IL13RA1: variants seen among roughly 807,000 people sequenced by gnomAD.
IL13RA1 encodes the protein interleukin-13 receptor subunit alpha-1.
A neutral mutation model predicts 33.8 loss-of-function variants in IL13RA1; 14 were observed. The ratio of observed to expected loss-of-function variants is 0.41; its 90% CI spans 0.27 to 0.65. The LOEUF is 0.65. IL13RA1 is among the 30% of genes least tolerant of loss of function. The pLI is 0.28. For synonymous variants in IL13RA1, 116 were observed against 115.7 expected, an observed-to-expected ratio of 1.00 and a Z score of -0.02; for missense variants, 313 against 327.0, an observed-to-expected ratio of 0.96 and a Z score of 0.33.
chrX:118,770,342 C>G lies in IL13RA1; in HGVS notation c.1009+3366C>G, dbSNP rs773124231. Reference sequence around the variant, plus strand: ...GCCCGGCGAGCCCTACGTGGAGGTGCCGCGCTACCGCACTGCACCTGCATC... The same window carrying G: ...GCCCGGCGAGCCCTACGTGGAGGTGGCGCGCTACCGCACTGCACCTGCATC... On this transcript the variant is annotated intron_variant, in intron 8 of 10. Coordinates refer to ENST00000371666, the MANE Select transcript of IL13RA1 (RefSeq NM_001560.3). 1.1e-5 allele frequency: 4 copies of G among 357,900 alleles called. No individual in the cohort carries two copies. The Admixed American group carries it at 1.2e-4, about 11-fold the overall frequency. 29.5% of individuals were successfully genotyped at this position (357,900 alleles called of 1,213,427 possible).
At chrX:118,733,924 A>G (rs2017252742) in intron 1 of IL13RA1, among the ~76,000 whole-genome samples, 1 of 111,873 alleles carries the variant, frequency 8.9e-6, no homozygotes, top group African/African-American at 3.2e-5. Flanking sequence ...ATTTGACCAT[A>G]CATGTGATGG....
At chrX:118,767,371 T>G (rs886191018) in intron 8 of IL13RA1, among the ~76,000 whole-genome samples, 1 of 110,752 alleles carries the variant, frequency 9.0e-6, no homozygotes. Context: ...TGAAACCCCA[T>G]CTCTACAAAA....
downstream of IL13RA1, among the ~76,000 whole-genome samples, chrX:118,795,227 A>AAAAAAAAAAAAAAAAG (rs200347606): frequency 1.3e-4 from 12 of 94,998 alleles, no homozygotes; most frequent in African/African-American, 3.8e-4. Context: ...AAAAAAAAAA[A>AAAAAAAAAAAAAAAAG]AAAGAAAAAG....
chrX:118,758,131 C>G lies in IL13RA1; in HGVS notation c.565C>G (p.Leu189Val). Residue 189 changes from leucine (L) to valine (V), a missense_variant, in exon 5 of 11, where the codon CTG (leucine) becomes GTG (valine). Transcript: ENST00000371666. ...EGQYFGCSFD[L>V]TKVKDSSFEQ... Reference sequence around the variant, plus strand: ...CCAATACTTTGGTTGTTCCTTTGATCTGACCAAAGTGAAGGATTCCAGTTT... The same window carrying G: ...CCAATACTTTGGTTGTTCCTTTGATGTGACCAAAGTGAAGGATTCCAGTTT... 1 of 1,152,547 alleles carries G rather than the reference C, an allele frequency of 8.7e-7. No homozygotes were observed. The highest frequency in any genetic ancestry group is 1.2e-6 in the Non-Finnish European group (1 of 843,955). The allele number at this position is 1,152,547 out of a possible 1,213,427, so 95.0% of individuals were successfully genotyped here. A position where few individuals can be genotyped will look rare whatever the true frequency, so the allele number is the denominator to read the frequency against.
chrX:118,743,823 A>G (rs2017373389), intron 2 of IL13RA1, among the ~76,000 whole-genome samples: 1 of 111,783 alleles, frequency 8.9e-6, no homozygotes, highest in South Asian at 3.7e-4. Context: ...CAAAAGTCAC[A>G]TGGGAGCCAT....
intron 8 of IL13RA1, 97 bp downstream of exon 8, chrX:118,767,073 C>G (rs1268850628): frequency 2.3e-6 from 1 of 435,410 alleles, no homozygotes; most frequent in Admixed American, 5.0e-5. Context: ...GTCATGCTCT[C>G]TTGATGTCAG....
Position 118,740,660 on chromosome X carries a change from G to A in IL13RA1, c.89-357G>A, listed in dbSNP as rs111255061. ...TTACAAAAATTAGCCAGGCGTGGTG[G>A]CATGTGCCTGTAGTCCCAGTAACAG... On this transcript the variant is annotated intron_variant, in intron 1 of 10. Coordinates refer to ENST00000371666, the MANE Select transcript of IL13RA1 (RefSeq NM_001560.3). Among the ~76,000 whole-genome samples the A allele has an allele frequency of 3.8e-3, 430 of 112,081 alleles. 1 individual carries two copies. Among genetic ancestry groups the A allele is most frequent in the African/African-American group, 0.013 (398 of 30,784 alleles).
chrX:118,757,303 G>A (rs755206994), intron 4 of IL13RA1, among the ~76,000 whole-genome samples: 1 of 110,818 alleles, frequency 9.0e-6, no homozygotes, highest in East Asian at 2.8e-4. Context: ...AGGCCGAGGC[G>A]GGTGGATCAC....
chrX:118,750,021 A>G (rs1233700486), intron 4 of IL13RA1, among the ~76,000 whole-genome samples: 1 of 111,650 alleles, frequency 9.0e-6, no homozygotes, highest in Non-Finnish European at 1.9e-5. Context: ...CATATACTCC[A>G]CTCAGTTTCT....
intron 6 of IL13RA1, among the ~76,000 whole-genome samples, chrX:118,764,849 T>C (rs1344972815): frequency 8.9e-6 from 1 of 111,877 alleles, no homozygotes; most frequent in East Asian, 2.8e-4. Context: ...CAAGGGACAC[T>C]GGTTTCTCGC....
intron 10 of IL13RA1, among the ~76,000 whole-genome samples, chrX:118,784,986 G>A (rs1213347619): frequency 9.1e-6 from 1 of 110,269 alleles, no homozygotes; most frequent in Non-Finnish European, 1.9e-5. Flanking sequence ...TTTTTGCAGT[G>A]TATGGTGTGC....
chrX:118,775,127 A>G (rs948727556), intron 9 of IL13RA1, among the ~76,000 whole-genome samples: 1 of 111,553 alleles, frequency 9.0e-6, no homozygotes, highest in Non-Finnish European at 1.9e-5. Context: ...TTTATGTAGG[A>G]TGTCACCAAG....
chrX:118,770,838 A>T (rs1336442146), intron 8 of IL13RA1: 5 of 274,827 alleles, frequency 1.8e-5, no homozygotes, highest in South Asian at 3.5e-5. Context: ...TACCAGAAAG[A>T]TGATGACAAT....
chrX:118,740,026 A>G (rs1057148301), intron 1 of IL13RA1, among the ~76,000 whole-genome samples: 1 of 112,307 alleles, frequency 8.9e-6, no homozygotes, highest in Non-Finnish European at 1.9e-5. Flanking sequence ...CTGCAGCGGC[A>G]TGATCTTGGC....
intron 6 of IL13RA1, among the ~76,000 whole-genome samples, chrX:118,763,692 C>T: frequency 8.9e-6 from 1 of 112,101 alleles, no homozygotes; most frequent in East Asian, 2.8e-4. Context: ...TTGCTACAAG[C>T]CACACAGCTA....
At chrX:118,738,221 T>C (rs1329385059) in intron 1 of IL13RA1, 1 of 111,486 alleles carries the variant, frequency 9.0e-6, no homozygotes, top group African/African-American at 3.3e-5. Context: ...ATTTTTTTTA[T>C]TTCAAATTTT....
downstream of IL13RA1, among the ~76,000 whole-genome samples, chrX:118,797,287 T>C (rs1479204519): frequency 8.9e-6 from 1 of 112,263 alleles, no homozygotes; most frequent in African/African-American, 3.2e-5. Flanking sequence ...AAATACCTCT[T>C]ATTCACTACA....
chrX:118,795,393 T>C (rs906607417), downstream of IL13RA1, among the ~76,000 whole-genome samples: 8 of 111,320 alleles, frequency 7.2e-5, no homozygotes, highest in Non-Finnish European at 1.5e-4. Flanking sequence ...AGATCACATT[T>C]GCTAATTACC....
At chrX:118,770,714 T>A (rs1347096033) in intron 8 of IL13RA1, 1 of 368,750 alleles carries the variant, frequency 2.7e-6, no homozygotes, top group Non-Finnish European at 5.2e-6. Flanking sequence ...TTCAGCAGCA[T>A]CTTGTGGATG....
Sources: allele counts gnomAD v4.1 joint callset (sites outside exome capture counted in the v4.1 genomes callset), GRCh38; gene constraint gnomAD v4.1.1; transcripts MANE v1.5; gene names NCBI Gene and HGNC (gene_info 2026-07-23, HGNC 2026-07-21).